Variants in MTM1 observed in about 807,000 individuals in gnomAD.
MTM1 encodes myotubularin.
MTM1 carries 9 observed loss-of-function variants against 52.1 expected under a neutral mutation model. The observed-to-expected ratio is 0.17, with a 90% confidence interval of 0.10 to 0.30. The LOEUF is 0.30. Among genes scored for constraint, MTM1 ranks in the 10% least tolerant of loss-of-function variants. MTM1 has a pLI of 1.00. For synonymous variants in MTM1, 136 were observed against 163.8 expected (o/e 0.83, Z 1.29); for missense variants, 277 against 470.7 (o/e 0.59, Z 3.81).
At chrX:150,581,688 T>G (rs1448538912) in intron 1 of MTM1, among the ~76,000 whole-genome samples, 2 of 111,815 alleles carry the variant, frequency 1.8e-5, no homozygotes, top group East Asian at 5.6e-4. Flanking sequence ...AATATGATCA[T>G]CTATGAGAGA....
At position 150,589,779 on chromosome X, in the gene MTM1, A is replaced by G. The variant is rs184149533; in HGVS notation, c.-10-2826A>G. ...TTTTTTTTTTTTTTAAGCAAAAAGCACTTTATAACTGAGTGGCTGCTAGCC... is the reference window on the plus strand; with the variant it reads ...TTTTTTTTTTTTTTAAGCAAAAAGCGCTTTATAACTGAGTGGCTGCTAGCC... On this transcript the variant is annotated intron_variant, in intron 1 of 14. Coordinates refer to ENST00000370396, the MANE Select transcript of MTM1 (RefSeq NM_000252.3). Among the ~76,000 whole-genome samples the G allele has an allele frequency of 4.0e-3, 419 of 105,180 alleles. 1 individual carries two copies. Among genetic ancestry groups the G allele is most frequent in the African/African-American group, 0.014 (401 of 28,614 alleles). 91.3% of individuals were successfully genotyped at this position (105,180 alleles called of 115,157 possible). A position where few individuals can be genotyped will look rare whatever the true frequency, so the allele number is the denominator to read the frequency against.
At chrX:150,576,034 T>C (rs2148399902) in intron 1 of MTM1, among the ~76,000 whole-genome samples, 1 of 111,644 alleles carries the variant, frequency 9.0e-6, no homozygotes, top group South Asian at 3.8e-4. Flanking sequence ...CTAGTATAAC[T>C]TTGTAGCATT....
chrX:150,587,206 G>A (rs1205174504), intron 1 of MTM1, among the ~76,000 whole-genome samples: 1 of 111,494 alleles, frequency 9.0e-6, no homozygotes, highest in Non-Finnish European at 1.9e-5. Flanking sequence ...CAATGGTGGG[G>A]TTAATAGCTT....
intron 2 of MTM1, 133 bp downstream of exon 2, chrX:150,592,810 G>T: frequency 2.2e-6 from 1 of 458,425 alleles, no homozygotes; most frequent in Non-Finnish European, 3.7e-6. Flanking sequence ...ATTTATACAT[G>T]TGGTTTCTTT....
At chrX:150,610,409 C>CAG (rs1227303676) in intron 4 of MTM1, among the ~76,000 whole-genome samples, 5 of 103,711 alleles carry the variant, frequency 4.8e-5, no homozygotes, top group South Asian at 4.0e-4. Flanking sequence ...CAGACAGAGA[C>CAG]AGAGAGAGAG....
chrX:150,622,038 A>G (rs782503932), intron 6 of MTM1, among the ~76,000 whole-genome samples: 2 of 111,211 alleles, frequency 1.8e-5, no homozygotes, highest in African/African-American at 6.5e-5. Flanking sequence ...GAGTATTACA[A>G]ATCTAACACC....
chrX:150,625,093 G>A (rs781976594), intron 6 of MTM1, among the ~76,000 whole-genome samples: 102 of 111,498 alleles, frequency 9.1e-4, no homozygotes, highest in African/African-American at 3.3e-3. Flanking sequence ...CTGGTGTGTG[G>A]TAACAAGCAT....
chrX:150,618,228 A>G (rs1242417119), intron 5 of MTM1, among the ~76,000 whole-genome samples: 1 of 112,217 alleles, frequency 8.9e-6, no homozygotes, highest in Non-Finnish European at 1.9e-5. Flanking sequence ...GACTTGCATG[A>G]GGGCTTAAAA....
At chrX:150,603,346 C>G (rs1297240340) in intron 4 of MTM1, among the ~76,000 whole-genome samples, 1 of 111,830 alleles carries the variant, frequency 8.9e-6, no homozygotes, top group Non-Finnish European at 1.9e-5. Context: ...ATGCAAGTTA[C>G]ACAGACAATG....
chrX:150,604,340 T>C (rs187173921), intron 4 of MTM1, among the ~76,000 whole-genome samples: 4 of 111,667 alleles, frequency 3.6e-5, no homozygotes, highest in African/African-American at 9.8e-5. Flanking sequence ...CATCTGAGCA[T>C]GACAACAGCT....
intron 14 of MTM1, among the ~76,000 whole-genome samples, chrX:150,664,288 G>T (rs2040270082): frequency 8.9e-6 from 1 of 112,812 alleles, no homozygotes; most frequent in African/African-American, 3.2e-5. Flanking sequence ...ATGGTTCTTT[G>T]TAAAGGTTTG....
chrX:150,578,953 C>G (rs1227835717), intron 1 of MTM1, among the ~76,000 whole-genome samples: 2 of 109,944 alleles, frequency 1.8e-5, no homozygotes, highest in East Asian at 2.8e-4. Context: ...CTTTGTAGAT[C>G]AATATTGACA....
At chrX:150,632,774 C>T (rs1207626008) in intron 6 of MTM1, among the ~76,000 whole-genome samples, 1 of 110,942 alleles carries the variant, frequency 9.0e-6, no homozygotes, top group African/African-American at 3.3e-5. Flanking sequence ...AGGGAAGAAT[C>T]CACCCTGGAT....
rs587783806 is a variant in MTM1 at position 150,671,484 on chromosome X, C to T, written c.1701C>T (p.Tyr567=). 528 of 1,208,934 alleles carry T rather than the reference C, an allele frequency of 4.4e-4. 1 individual carries two copies. In the South Asian group the frequency reaches 6.2e-3, roughly 14 times the overall value. ...YMELLALRDE[Y]IKRLEELQLA... ...AGCTCTTAGCCTTACGCGACGAATA[C>T]ATAAAGCGGCTTGAGGAACTGCAGC... The change falls in exon 15 of 15, where the codon TAC becomes TAT. Residue 567 remains tyrosine, a synonymous_variant. Coordinates refer to ENST00000370396, the MANE Select transcript of MTM1 (RefSeq NM_000252.3).
intron 6 of MTM1, among the ~76,000 whole-genome samples, chrX:150,622,036 C>A (rs934467340): frequency 9.0e-6 from 1 of 111,007 alleles, no homozygotes. Context: ...CTGAGTATTA[C>A]AAATCTAACA....
chrX:150,631,557 C>T (rs1254814074), intron 6 of MTM1, among the ~76,000 whole-genome samples: 5 of 104,858 alleles, frequency 4.8e-5, no homozygotes, highest in Admixed American at 4.2e-4. Context: ...CAGCTACTCA[C>T]GAGGCTGAGG....
rs373023705 is a variant in MTM1 at position 150,647,221 on chromosome X, A to ATATG, written c.867+1350_867+1351insTATG. 2.3e-3 allele frequency among the ~76,000 whole-genome samples: 233 copies of ATATG among 101,608 alleles called. 4 individuals are homozygous for ATATG. Among genetic ancestry groups the ATATG allele is most frequent in the African/African-American group, 8.4e-3 (217 of 25,817 alleles). 88.2% of individuals were successfully genotyped at this position (101,608 alleles called of 115,157 possible). ...TATATATATATATATATATATATAT[A>ATATG]GCAATATTTTCATGTACATATTTAG... is the stretch of plus-strand genomic sequence containing the variant. On this transcript the variant is annotated intron_variant, in intron 9 of 14. Transcript: ENST00000370396.
upstream of MTM1, among the ~76,000 whole-genome samples, chrX:150,566,919 G>A (rs781985579): frequency 8.0e-5 from 9 of 111,859 alleles, no homozygotes; most frequent in South Asian, 3.4e-3. Flanking sequence ...TTTACTGAGC[G>A]TGCTTTGAAA....
chrX:150,641,133 TA>T, intron 7 of MTM1, 135 bp from the exon 8 acceptor site: 1 of 622,232 alleles, frequency 1.6e-6, no homozygotes, highest in Non-Finnish European at 2.5e-6. Context: ...ACCCTTATTA[TA>T]AATAGGTAGA....
Sources: allele counts gnomAD v4.1 joint callset (sites outside exome capture counted in the v4.1 genomes callset), GRCh38; gene constraint gnomAD v4.1.1; transcripts MANE v1.5; gene names NCBI Gene and HGNC (gene_info 2026-07-23, HGNC 2026-07-21).